AGMO: variants seen among roughly 807,000 people sequenced by gnomAD.
The protein encoded by AGMO is alkylglycerol monooxygenase, also known as glyceryl-ether monooxygenase.
Under a neutral mutation model 60.2 loss-of-function variants are expected in AGMO, and 75 were observed. That is an observed-to-expected ratio of 1.25 (90% CI 1.03 to 1.51). AGMO has a LOEUF of 1.51. Ranked by LOEUF, AGMO falls within the 40% of genes most tolerant of loss-of-function variation. The pLI, the probability that AGMO is intolerant of heterozygous loss-of-function variation, is 0.00. For synonymous variants in AGMO, 261 were observed against 177.1 expected (o/e 1.47, Z -3.76); for missense variants, 763 against 525.5 (o/e 1.45, Z -4.42).
the AGMO span, among the ~76,000 whole-genome samples, chr7:15,126,255 C>T: frequency 6.6e-6 from 1 of 152,030 alleles, no homozygotes; most frequent in African/African-American, 2.4e-5. Flanking sequence ...CCAATGCTAA[C>T]ATTATCTTAG....
At chr7:15,459,185 G>T (rs1032854653) in intron 3 of AGMO, among the ~76,000 whole-genome samples, 3 of 152,068 alleles carry the variant, frequency 2.0e-5, no homozygotes, top group Non-Finnish European at 4.4e-5. Flanking sequence ...ACACACACGG[G>T]TTTCGTCAAT....
chr7:15,172,420 G>T, the AGMO span, among the ~76,000 whole-genome samples: 2 of 152,140 alleles, frequency 1.3e-5, no homozygotes, highest in South Asian at 2.1e-4. Context: ...CACAGAGAGG[G>T]CCACAACTGG....
chr7:15,479,471 C>T (rs1782691903), intron 3 of AGMO, among the ~76,000 whole-genome samples: 1 of 152,152 alleles, frequency 6.6e-6, no homozygotes, highest in Non-Finnish European at 1.5e-5. Context: ...GACTCCTGAG[C>T]CAATGTTCTT....
chr7:15,550,165 C>G (rs1243726702), intron 2 of AGMO, among the ~76,000 whole-genome samples: 1 of 151,324 alleles, frequency 6.6e-6, no homozygotes, highest in African/African-American at 2.4e-5. Context: ...GCATTCAAAG[C>G]AGTGTGTAGA....
Position 15,485,474 on chromosome 7 carries a change from G to A in AGMO, c.410-54366C>T, listed in dbSNP as rs114045215. Among the ~76,000 whole-genome samples, 1,400 of 152,260 alleles carry A rather than the reference G, an allele frequency of 9.2e-3. 17 individuals carry two copies. Among genetic ancestry groups the A allele is most frequent in the African/African-American group, 0.031 (1,280 of 41,550 alleles). On this transcript the variant is annotated intron_variant, in intron 3 of 12. Coordinates refer to ENST00000342526, the MANE Select transcript of AGMO (RefSeq NM_001004320.2). ...ACCTTTATCTGTAGTCATGTCATAA[G>A]CTTTTAGCAGACTTAATCAATTTTC...
At chr7:15,302,940 T>C (rs1471042924) in intron 12 of AGMO, among the ~76,000 whole-genome samples, 3 of 152,196 alleles carry the variant, frequency 2.0e-5, no homozygotes, top group African/African-American at 7.2e-5. Context: ...AGTATCTATA[T>C]ATTTGTAATC....
chr7:15,491,051 G>A (rs1306204752), intron 3 of AGMO, among the ~76,000 whole-genome samples: 1 of 152,082 alleles, frequency 6.6e-6, no homozygotes, highest in East Asian at 1.9e-4. Flanking sequence ...GTAAATCTGA[G>A]AACTCTAATC....
At chr7:15,545,267 T>C (rs1328243671) in intron 2 of AGMO, among the ~76,000 whole-genome samples, 1 of 152,162 alleles carries the variant, frequency 6.6e-6, no homozygotes, top group Admixed American at 6.6e-5. Flanking sequence ...TCTGTGATTG[T>C]CATTTCTAAA....
chr7:15,273,444 T>C (rs1783678763), intron 12 of AGMO, among the ~76,000 whole-genome samples: 1 of 151,830 alleles, frequency 6.6e-6, no homozygotes, highest in Non-Finnish European at 1.5e-5. Context: ...TTGTGTGATA[T>C]TATTTCTGAG....
chr7:15,160,393 A>G, the AGMO span, among the ~76,000 whole-genome samples: 2 of 152,336 alleles, frequency 1.3e-5, no homozygotes, highest in South Asian at 2.1e-4. Flanking sequence ...ACAAAGAAGT[A>G]TTAAAAACTA....
chr7:15,445,950 G>GA (rs890498651), intron 3 of AGMO, among the ~76,000 whole-genome samples: 35 of 152,030 alleles, frequency 2.3e-4, no homozygotes, highest in African/African-American at 8.2e-4. Flanking sequence ...AATCGTAATT[G>GA]AAAAAATAAC....
intron 12 of AGMO, among the ~76,000 whole-genome samples, chr7:15,259,424 C>T (rs775989984): frequency 6.6e-6 from 1 of 151,756 alleles, no homozygotes; most frequent in Non-Finnish European, 1.5e-5. Flanking sequence ...AACATACAAA[C>T]CTAAGAATAA....
At chr7:15,437,042 A>C (rs2128500268) in intron 3 of AGMO, among the ~76,000 whole-genome samples, 1 of 152,280 alleles carries the variant, frequency 6.6e-6, no homozygotes, top group African/African-American at 2.4e-5. Context: ...TTAATATCAA[A>C]GCTTAGTTGA....
At chr7:15,176,907 G>T in the AGMO span, among the ~76,000 whole-genome samples, 2 of 151,902 alleles carry the variant, frequency 1.3e-5, no homozygotes, top group African/African-American at 4.8e-5. Flanking sequence ...TAGTTTCTGG[G>T]ACCAAGAGTC....
At chr7:15,485,283 C>T (rs886082207) in intron 3 of AGMO, among the ~76,000 whole-genome samples, 23 of 151,134 alleles carry the variant, frequency 1.5e-4, no homozygotes, top group African/African-American at 4.6e-4. Flanking sequence ...TGCCATTGCA[C>T]TCCAGGCTGT....
intron 4 of AGMO, among the ~76,000 whole-genome samples, chr7:15,427,266 G>C (rs1007915049): frequency 6.6e-6 from 1 of 152,116 alleles, no homozygotes; most frequent in Non-Finnish European, 1.5e-5. Flanking sequence ...TGCACGTGTA[G>C]CTGTGTTTTT....
chr7:15,124,158 G>A, the AGMO span, among the ~76,000 whole-genome samples: 2 of 152,138 alleles, frequency 1.3e-5, no homozygotes, highest in Middle Eastern at 3.4e-3. Context: ...CTAAAAGGCA[G>A]GCAAAACAAA....
intron 5 of AGMO, among the ~76,000 whole-genome samples, chr7:15,401,202 G>C (rs1436998942): frequency 6.6e-6 from 1 of 151,962 alleles, no homozygotes; most frequent in Non-Finnish European, 1.5e-5. Context: ...AAATACTTTA[G>C]AGTTGAATTC....
chr7:15,352,432 T>C (rs1271498725), intron 12 of AGMO, among the ~76,000 whole-genome samples: 1 of 151,560 alleles, frequency 6.6e-6, no homozygotes, highest in African/African-American at 2.4e-5. Context: ...CATTTCTAAT[T>C]GATTCCAGAA....
Sources: allele counts gnomAD v4.1 joint callset (sites outside exome capture counted in the v4.1 genomes callset), GRCh38; gene constraint gnomAD v4.1.1; transcripts MANE v1.5; gene names NCBI Gene and HGNC (gene_info 2026-07-23, HGNC 2026-07-21).